Variants in PAX3 observed in about 807,000 individuals in gnomAD.
PAX3 encodes paired box 3.
A neutral mutation model predicts 51.6 loss-of-function variants in PAX3; 14 were observed. The ratio of observed to expected loss-of-function variants is 0.27; its 90% CI spans 0.18 to 0.42. The LOEUF is 0.42. Ranked by LOEUF, PAX3 falls within the 10% of genes least tolerant of loss-of-function variation. The pLI is 1.00. For missense variants in PAX3, 540 were observed against 642.8 expected (o/e 0.84, Z 1.73); for synonymous variants, 280 against 253.4 (o/e 1.11, Z -1.00).
chr2:222,297,138 T>C lies in PAX3; in HGVS notation c.161A>G (p.His54Arg). ...CATCTCCACGATCTTGTGGCGGATG[T>C]GGTTGGGCAGCGGCCTGCCGTTGAT... ...VFINGRPLPNHIRHKIVEMAH... is the reference protein window; with the variant it reads ...VFINGRPLPNRIRHKIVEMAH... The change falls in exon 2 of 9, where the codon CAC becomes CGC. Residue 54 changes from histidine to arginine, a missense_variant. Around this residue, in one of 3 missense-constraint regions of PAX3, gnomAD observed 50 missense variants for 109.3 expected, o/e 0.46. Coordinates refer to ENST00000392070, the MANE Select transcript of PAX3 (RefSeq NM_181458.4). 6.2e-7 allele frequency: 1 copy of C among 1,609,570 alleles called. No individual in the cohort carries two copies. The highest frequency in any genetic ancestry group is 8.5e-7 in the Non-Finnish European group (1 of 1,178,458).
At chr2:222,251,091 T>TTTTATTTA (rs61280457) in intron 4 of PAX3, among the ~76,000 whole-genome samples, 12,909 of 151,780 alleles carry the variant, frequency 0.085, 741 homozygotes, top group East Asian at 0.31. Flanking sequence ...CACAATACAT[T>TTTTATTTA]TTTATTTATT....
chr2:222,298,462 C>A (rs1695424437), intron 1 of PAX3, 69 bp downstream of exon 1: 1 of 1,330,474 alleles, frequency 7.5e-7, no homozygotes, highest in African/African-American at 1.4e-5. Flanking sequence ...CCTGCGGAGC[C>A]TGGGGATGGG....
intron 4 of PAX3, among the ~76,000 whole-genome samples, chr2:222,267,119 TG>T (rs1026384598): frequency 6.6e-6 from 1 of 152,206 alleles, no homozygotes; most frequent in Non-Finnish European, 1.5e-5. Context: ...AAAGTTAAAA[TG>T]GGAGACAAAA....
intron 4 of PAX3, among the ~76,000 whole-genome samples, chr2:222,277,746 C>T (rs1189667932): frequency 6.6e-6 from 1 of 151,802 alleles, no homozygotes; most frequent in African/African-American, 2.4e-5. Flanking sequence ...CCAGCCTGGC[C>T]AACATGGTGA....
chr2:222,289,558 G>A (rs1328288025), intron 4 of PAX3, among the ~76,000 whole-genome samples: 2 of 152,090 alleles, frequency 1.3e-5, no homozygotes, highest in African/African-American at 2.4e-5. Context: ...AAGCCCCTAC[G>A]TCCTGGTTCC....
chr2:222,225,060 C>A (rs1036835882), intron 5 of PAX3, among the ~76,000 whole-genome samples: 1 of 152,148 alleles, frequency 6.6e-6, no homozygotes, highest in African/African-American at 2.4e-5. Context: ...CCTGGCCTTC[C>A]GCATCACACT....
intron 5 of PAX3, among the ~76,000 whole-genome samples, chr2:222,228,793 G>T (rs910063888): frequency 2.0e-5 from 3 of 152,080 alleles, no homozygotes; most frequent in African/African-American, 7.2e-5. Context: ...AAAATAATTA[G>T]CCAGACATGG....
intron 4 of PAX3, among the ~76,000 whole-genome samples, chr2:222,262,194 T>G (rs1002070039): frequency 5.3e-5 from 8 of 152,270 alleles, no homozygotes; most frequent in Middle Eastern, 3.2e-3. Context: ...ATTTTATTAC[T>G]GAACAAGACT....
In PAX3 at chr2:222,201,879, T is replaced by A. The variant is rs763685386; in HGVS notation, c.1420+65A>T. The A allele has an allele frequency of 3.1e-6, 5 of 1,613,870 alleles. No individual in the cohort carries two copies. The Admixed American group carries it at 8.3e-5, about 27-fold the overall frequency. Reference sequence around the variant, plus strand: ...TAATCTTGCCTCTAATTCACCTTTCTTAAGGAAGAGTTGAGTTTATCTCCC... The same window carrying A: ...TAATCTTGCCTCTAATTCACCTTTCATAAGGAAGAGTTGAGTTTATCTCCC... On this transcript the variant is annotated intron_variant, in intron 8 of 8. Transcript: ENST00000392070.
At position 222,292,450 on chromosome 2, in the gene PAX3, T is replaced by C. The variant is rs367609380; in HGVS notation, c.586+1717A>G. Among the ~76,000 whole-genome samples the C allele has an allele frequency of 7.9e-5, 12 of 152,332 alleles. No individual in the cohort carries two copies. In the South Asian group the frequency reaches 2.3e-3, roughly 29 times the overall value. ...TAGAGAAGGACTTCTTTGTAAAAGC[T>C]GGAAAAGTTGTACAAATGTTTGACC... On this transcript the variant is annotated intron_variant, in intron 4 of 8. Transcript: ENST00000392070.
chr2:222,273,322 C>T (rs1169064704), intron 4 of PAX3, among the ~76,000 whole-genome samples: 1 of 152,122 alleles, frequency 6.6e-6, no homozygotes, highest in Non-Finnish European at 1.5e-5. Flanking sequence ...GATTTTCGGG[C>T]TTGTGTGTGT....
At chr2:222,228,177 G>A (rs574765242) in intron 5 of PAX3, among the ~76,000 whole-genome samples, 2 of 152,234 alleles carry the variant, frequency 1.3e-5, no homozygotes, top group Admixed American at 6.5e-5. Flanking sequence ...TCCATATGCT[G>A]GGTGTTCTAG....
At chr2:222,213,263 A>G (rs538160977) in intron 7 of PAX3, among the ~76,000 whole-genome samples, 1 of 152,322 alleles carries the variant, frequency 6.6e-6, no homozygotes, top group South Asian at 2.1e-4. Flanking sequence ...GACATAAACC[A>G]GGGCTCTCCT....
At chr2:222,294,135 G>A in intron 4 of PAX3, 32 bp downstream of exon 4, 1 of 1,613,788 alleles carries the variant, frequency 6.2e-7, no homozygotes, top group East Asian at 2.2e-5. Flanking sequence ...AAGTCACCCA[G>A]CAAGTGCGCC....
At chr2:222,270,256 G>A (rs1694202901) in intron 4 of PAX3, among the ~76,000 whole-genome samples, 5 of 152,304 alleles carry the variant, frequency 3.3e-5, no homozygotes, top group South Asian at 4.1e-4. Flanking sequence ...CTCAAGCTCC[G>A]ACTAGCATCC....
intron 4 of PAX3, among the ~76,000 whole-genome samples, chr2:222,284,868 G>C (rs760686355): frequency 6.6e-6 from 1 of 152,182 alleles, no homozygotes; most frequent in East Asian, 1.9e-4. Context: ...CCCTATCTTA[G>C]AGATGTCAAA....
chr2:222,263,947 A>G (rs1221681298), intron 4 of PAX3: 1 of 152,232 alleles, frequency 6.6e-6, no homozygotes, highest in East Asian at 1.9e-4. Flanking sequence ...CTACATTGAT[A>G]GAGAACAGAT....
chr2:222,209,841 T>C (rs58773561), intron 7 of PAX3, among the ~76,000 whole-genome samples: 22,797 of 134,586 alleles, frequency 0.17, 2,226 homozygotes, highest in South Asian at 0.33. Context: ...CAATGAGCCA[T>C]GATTGCACCG....
At chr2:222,276,108 C>T (rs1296516792) in intron 4 of PAX3, among the ~76,000 whole-genome samples, 1 of 152,196 alleles carries the variant, frequency 6.6e-6, no homozygotes, top group African/African-American at 2.4e-5. Context: ...AGGAAGAAAT[C>T]GTCCAGGCAT....
Sources: allele counts gnomAD v4.1 joint callset (sites outside exome capture counted in the v4.1 genomes callset), GRCh38; gene constraint gnomAD v4.1.1; regional missense constraint gnomAD v4.1.1; transcripts MANE v1.5; gene names NCBI Gene and HGNC (gene_info 2026-07-23, HGNC 2026-07-21).